Variants in KCNIP4 observed in about 807,000 individuals in gnomAD.
The protein encoded by KCNIP4 is potassium voltage-gated channel interacting protein 4, also known as Kv channel-interacting protein 4.
A neutral mutation model predicts 34.0 loss-of-function variants in KCNIP4; 12 were observed. The ratio of observed to expected loss-of-function variants is 0.35; its 90% confidence interval spans 0.23 to 0.57. The LOEUF is 0.57. Ranked by LOEUF, KCNIP4 falls within the 20% of genes least tolerant of loss-of-function variation. KCNIP4 has a pLI of 0.83. For synonymous variants in KCNIP4, 124 were observed against 102.2 expected, an observed-to-expected ratio of 1.21 and a Z score of -1.29; for missense variants, 238 against 311.7, an observed-to-expected ratio of 0.76 and a Z score of 1.78.
rs73805025 is a variant in KCNIP4, at chr4:21,145,244, T to C, written c.62-262535A>G. Among the ~76,000 whole-genome samples the C allele has an allele frequency of 4.6e-3, 704 of 152,268 alleles. 3 individuals carry two copies. Among genetic ancestry groups the C allele is most frequent in the African/African-American group, 0.015 (608 of 41,558 alleles). ...CTCAGGCTTCCGTAGCTTTAGAAAC[T>C]TAGAGTCTCTACTATCAATTCTTTT... is the stretch of plus-strand genomic sequence containing the variant. On this transcript the variant is annotated intron_variant, in intron 1 of 8. Transcript: ENST00000382152.
chr4:20,852,299 C>A (rs1007589938), intron 2 of KCNIP4, among the ~76,000 whole-genome samples: 1 of 152,064 alleles, frequency 6.6e-6, no homozygotes, highest in Admixed American at 6.6e-5. Flanking sequence ...GGTTTCAAAC[C>A]AGGAATGCAG....
chr4:21,853,871 TAAAG>T (rs1724578847), intron 1 of KCNIP4, among the ~76,000 whole-genome samples: 1 of 152,154 alleles, frequency 6.6e-6, no homozygotes, highest in South Asian at 2.1e-4. Flanking sequence ...ATCTGTCAAA[TAAAG>T]AGTTTGGGGT....
At chr4:21,405,486 T>C (rs1723906024) in intron 1 of KCNIP4, among the ~76,000 whole-genome samples, 1 of 152,180 alleles carries the variant, frequency 6.6e-6, no homozygotes, top group Non-Finnish European at 1.5e-5. Context: ...GAGCCCGGTA[T>C]ATTTGGCAAG....
chr4:21,607,862 C>G (rs1334734470), intron 1 of KCNIP4, among the ~76,000 whole-genome samples: 1 of 152,120 alleles, frequency 6.6e-6, no homozygotes, highest in Non-Finnish European at 1.5e-5. Flanking sequence ...CTGGTGGACT[C>G]TCTAGTAACA....
At chr4:21,242,487 C>A (rs756084865) in intron 1 of KCNIP4, among the ~76,000 whole-genome samples, 1 of 152,076 alleles carries the variant, frequency 6.6e-6, no homozygotes, top group Admixed American at 6.6e-5. Context: ...AATGTCATTT[C>A]TGGGTATGCC....
At chr4:21,228,651 T>A (rs552097414) in intron 1 of KCNIP4, among the ~76,000 whole-genome samples, 1 of 152,298 alleles carries the variant, frequency 6.6e-6, no homozygotes, top group East Asian at 1.9e-4. Context: ...AGTTCTCTTC[T>A]TCCTTCATCT....
chr4:21,012,876 C>A (rs918039540), intron 1 of KCNIP4, among the ~76,000 whole-genome samples: 2 of 152,128 alleles, frequency 1.3e-5, no homozygotes, highest in Non-Finnish European at 2.9e-5. Context: ...CAGGAAACGA[C>A]AATGTAATAT....
chr4:20,960,042 T>TA (rs1314257803), intron 1 of KCNIP4, among the ~76,000 whole-genome samples: 3 of 152,138 alleles, frequency 2.0e-5, no homozygotes, highest in African/African-American at 7.2e-5. Flanking sequence ...AGACTGTGCA[T>TA]AAAAAAATAA....
intron 1 of KCNIP4, among the ~76,000 whole-genome samples, chr4:21,276,214 G>A (rs954683475): frequency 1.3e-5 from 2 of 152,196 alleles, no homozygotes; most frequent in South Asian, 2.1e-4. Context: ...GAATGTGACC[G>A]TTTAAATTAA....
chr4:21,225,726 T>C (rs1758330181), intron 1 of KCNIP4, among the ~76,000 whole-genome samples: 1 of 152,112 alleles, frequency 6.6e-6, no homozygotes, highest in African/African-American at 2.4e-5. Context: ...AAATAATGAC[T>C]GAGCTCCCTA....
chr4:21,431,678 C>A (rs55645209), intron 1 of KCNIP4, among the ~76,000 whole-genome samples: 1 of 151,838 alleles, frequency 6.6e-6, no homozygotes, highest in Non-Finnish European at 1.5e-5. Context: ...ATGGGGATAC[C>A]TAAGAAAATA....
At chr4:21,589,185 T>C (rs1170010792) in intron 1 of KCNIP4, among the ~76,000 whole-genome samples, 8,404 of 75,360 alleles carry the variant, frequency 0.11, 741 homozygotes, top group African/African-American at 0.24. Flanking sequence ...TATATATATA[T>C]ATATATATAT....
intron 1 of KCNIP4, among the ~76,000 whole-genome samples, chr4:20,936,356 A>C (rs1352139654): frequency 1.3e-5 from 2 of 151,924 alleles, no homozygotes; most frequent in Non-Finnish European, 2.9e-5. Context: ...TCATTTATTC[A>C]TTTAGCAAAC....
chr4:20,917,106 C>T (rs529171109), intron 1 of KCNIP4, among the ~76,000 whole-genome samples: 4 of 146,246 alleles, frequency 2.7e-5, no homozygotes, highest in African/African-American at 5.0e-5. Context: ...GGCACAATCT[C>T]GGCTCACTGC....
rs898914110 is a variant in KCNIP4, at chr4:21,233,762, T to C, written c.62-351053A>G. ...TGCTTCTACCTTAATCCACTGACCT[T>C]CAAAATATTTTTATTACATTAAAAC... On this transcript the variant is annotated intron_variant, in intron 1 of 8. Transcript: ENST00000382152. Among the ~76,000 whole-genome samples the C allele has an allele frequency of 5.7e-4, 84 of 148,244 alleles. 2 individuals carry two copies. The highest frequency in any genetic ancestry group is 1.5e-5 in the Non-Finnish European group (1 of 67,412).
At chr4:21,880,973 C>T (rs1230197899) in intron 1 of KCNIP4, among the ~76,000 whole-genome samples, 1 of 152,144 alleles carries the variant, frequency 6.6e-6, no homozygotes, top group African/African-American at 2.4e-5. Context: ...TTCCATTCTT[C>T]CTTTCCCAAG....
chr4:21,016,033 A>G (rs1485318722), intron 1 of KCNIP4, among the ~76,000 whole-genome samples: 2 of 147,708 alleles, frequency 1.4e-5, no homozygotes, highest in African/African-American at 4.9e-5. Context: ...ATATATCTAG[A>G]AAGAAAAAAA....
intron 1 of KCNIP4, among the ~76,000 whole-genome samples, chr4:21,093,263 C>G (rs1747157251): frequency 6.6e-6 from 1 of 152,206 alleles, no homozygotes; most frequent in Non-Finnish European, 1.5e-5. Flanking sequence ...CCAGACATAA[C>G]TGGCACCAAA....
intron 3 of KCNIP4, among the ~76,000 whole-genome samples, chr4:20,809,821 A>G (rs1389371233): frequency 6.6e-6 from 1 of 152,174 alleles, no homozygotes; most frequent in Non-Finnish European, 1.5e-5. Context: ...AGCTCATCTC[A>G]GGAGTCTGCC....
Sources: gnomAD v4.1 joint callset for allele counts (sites outside exome capture counted in the v4.1 genomes callset) on GRCh38, gnomAD v4.1.1 for gene constraint, MANE v1.5 for transcripts, NCBI Gene and HGNC (gene_info 2026-07-23, HGNC 2026-07-21) for gene names.